BRF1: variants seen among roughly 807,000 people sequenced by gnomAD.
The protein encoded by BRF1 is BRF1 general transcription factor IIIB subunit, also known as transcription factor IIIB 90 kDa subunit.
BRF1 carries 59 observed loss-of-function variants against 81.7 expected under a neutral mutation model. The observed-to-expected ratio is 0.72, with a 90% confidence interval of 0.59 to 0.90. The LOEUF is 0.90. BRF1 is among the 40% of genes least tolerant of loss of function. BRF1 has a pLI of 0.00. For missense variants in BRF1, 1,050 were observed against 936.3 expected (o/e 1.12, Z -1.58); for synonymous variants, 491 against 395.6 (o/e 1.24, Z -2.86).
intron 1 of BRF1, among the ~76,000 whole-genome samples, chr14:105,288,247 G>A (rs894797770): frequency 6.6e-6 from 1 of 151,828 alleles, no homozygotes; most frequent in African/African-American, 2.4e-5. Flanking sequence ...GAGGTCAGGA[G>A]ATCGAGACCA....
chr14:105,293,875 C>T (rs745433754), intron 1 of BRF1, among the ~76,000 whole-genome samples: 1 of 152,224 alleles, frequency 6.6e-6, no homozygotes. Flanking sequence ...AACTGCGAAG[C>T]TGTATCAGGC....
chr14:105,254,489 C>G (rs2055770032), intron 4 of BRF1, among the ~76,000 whole-genome samples: 1 of 152,138 alleles, frequency 6.6e-6, no homozygotes, highest in Non-Finnish European at 1.5e-5. Context: ...GATCTCCAGA[C>G]CTCCTGATCT....
rs139977123 is a variant in BRF1, at chr14:105,257,850, G to A, written c.440-1301C>T. ...CACCTTCCGGAAAAGGCAAAACTAT[G>A]GAGACAGCATTAGGTCAGTGGCCAC... On this transcript the variant is annotated intron_variant, in intron 3 of 17. Coordinates refer to ENST00000547530, the MANE Select transcript of BRF1 (RefSeq NM_001519.4). Among the ~76,000 whole-genome samples the A allele has an allele frequency of 2.0e-5, 3 of 152,310 alleles. No homozygotes were observed. In the East Asian group the frequency reaches 5.8e-4, roughly 29 times the overall value.
At chr14:105,212,358 TC>T in intron 15 of BRF1, 194 bp from the exon 16 acceptor site, 1 of 658,174 alleles carries the variant, frequency 1.5e-6, no homozygotes, top group East Asian at 2.8e-5. Flanking sequence ...TCTGACCCGT[TC>T]ACATTCTCAA....
chr14:105,259,514 G>A (rs1367967090), intron 3 of BRF1, among the ~76,000 whole-genome samples: 1 of 152,224 alleles, frequency 6.6e-6, no homozygotes, highest in Non-Finnish European at 1.5e-5. Context: ...ATTCAGAACA[G>A]CCAAAAACGG....
chr14:105,250,544 T>C (rs1234206981), intron 5 of BRF1: 1 of 1,614,032 alleles, frequency 6.2e-7, no homozygotes, highest in Non-Finnish European at 8.5e-7. Flanking sequence ...ACTCAGCTAC[T>C]TTGGGCAGGA....
chr14:105,265,887 C>G (rs1337771244), intron 3 of BRF1, among the ~76,000 whole-genome samples: 1 of 116,508 alleles, frequency 8.6e-6, no homozygotes, highest in Non-Finnish European at 1.7e-5. Flanking sequence ...GGCGACAGAG[C>G]AAGACTCCCT....
chr14:105,220,210 GACCC>G, intron 11 of BRF1, 80 bp from the exon 12 acceptor site: 1 of 1,559,446 alleles, frequency 6.4e-7, no homozygotes, highest in Non-Finnish European at 8.8e-7. Flanking sequence ...GCTGGCTCAG[GACCC>G]TGGGTCTGGG....
At position 105,226,050 on chromosome 14, in the gene BRF1, C is replaced by T. The variant is rs774951979; in HGVS notation, c.1048+19G>A. On this transcript the variant is annotated intron_variant, in intron 10 of 17. Coordinates refer to ENST00000547530, the MANE Select transcript of BRF1 (RefSeq NM_001519.4). The stretch of plus-strand genomic sequence containing the variant: ...CACATTTTAAAGGTCTGAATAGGGG[C>T]CGGGCACAGTGGACTCACCATCTTT... 1 of 1,608,066 alleles carries T rather than the reference C, an allele frequency of 6.2e-7. No homozygotes were observed. The highest frequency in any genetic ancestry group is 8.5e-7 in the Non-Finnish European group (1 of 1,175,466).
chr14:105,211,935 C>T (rs867954865), intron 16 of BRF1, 178 bp downstream of exon 16: 6 of 891,858 alleles, frequency 6.7e-6, no homozygotes, highest in East Asian at 2.7e-5. Context: ...CTCCGGCAAC[C>T]GGGAGCTCCC....
chr14:105,228,364 A>G (rs1022147711), intron 7 of BRF1: 1 of 155,138 alleles, frequency 6.4e-6, no homozygotes, highest in Non-Finnish European at 1.4e-5. Context: ...CAGCATGACC[A>G]ACATGGTGAG....
chr14:105,241,421 C>T lies in BRF1; in HGVS notation c.545-7G>A, dbSNP rs777989264. The stretch of plus-strand genomic sequence containing the variant: ...GGAATATACAGGCACGGGTCTGCGG[C>T]AGACACAGCACCTCAGTGCCCACCT... On this transcript the variant is annotated splice_region_variant and splice_polypyrimidine_tract_variant and intron_variant, in intron 5 of 17. Coordinates refer to ENST00000547530, the MANE Select transcript of BRF1 (RefSeq NM_001519.4). The T allele has an allele frequency of 1.2e-5, 19 of 1,610,334 alleles. No individual in the cohort carries two copies. Among genetic ancestry groups the T allele is most frequent in the African/African-American group, 2.7e-5 (2 of 74,954 alleles).
rs1453940998 is a variant in BRF1 at position 105,268,588 on chromosome 14, G to A, written c.439+4133C>T. 2.0e-5 allele frequency among the ~76,000 whole-genome samples: 3 copies of A among 152,258 alleles called. No individual in the cohort carries two copies. The South Asian group carries it at 6.2e-4, about 31-fold the overall frequency. The stretch of plus-strand genomic sequence containing the variant: ...GGCAGAAGGAGGAATAAGCTTGGAT[G>A]TTCTTAAATCAAGCCCTTGTTCCTT... On this transcript the variant is annotated intron_variant, in intron 3 of 17. Coordinates refer to ENST00000547530, the MANE Select transcript of BRF1 (RefSeq NM_001519.4).
rs757666394 is a variant in BRF1 at position 105,250,668 on chromosome 14, C to T, written c.544+1839G>A. The T allele has an allele frequency of 3.7e-6, 6 of 1,603,410 alleles. No individual in the cohort carries two copies. The highest frequency in any genetic ancestry group is 5.1e-6 in the Non-Finnish European group (6 of 1,172,884). On this transcript the variant is annotated intron_variant, in intron 5 of 17. Transcript: ENST00000547530. Reference sequence around the variant, plus strand: ...CAGATCCCTGAGCTCATTTTCTATGCCTGAGGTGCCCGGGGAGGCTGCAGC... The same window carrying T: ...CAGATCCCTGAGCTCATTTTCTATGTCTGAGGTGCCCGGGGAGGCTGCAGC...
chr14:105,226,241 G>C lies in BRF1; in HGVS notation c.955+10C>G. On this transcript the variant is annotated intron_variant, in intron 9 of 17. Transcript: ENST00000547530. ...AACAGAAGCATTACATGGGAAGATT[G>C]GTTGGTTACCTTCAACCTCCTCCAG... The C allele has an allele frequency of 6.2e-7, 1 of 1,614,078 alleles. No homozygotes were observed. Among genetic ancestry groups the C allele is most frequent in the Middle Eastern group, 1.7e-4 (1 of 6,060 alleles).
chr14:105,286,165 TG>T, intron 2 of BRF1, 130 bp downstream of exon 2: 1 of 1,035,762 alleles, frequency 9.7e-7, no homozygotes, highest in Non-Finnish European at 1.4e-6. Flanking sequence ...CAGCCTGGGC[TG>T]GGCGTGCAGG....
At chr14:105,304,091 G>A (rs587677710), upstream of BRF1, among the ~76,000 whole-genome samples, 67 of 152,326 alleles carry the variant, frequency 4.4e-4, no homozygotes, top group African/African-American at 1.5e-3. Context: ...AGGCCACAGC[G>A]GTGCAGGACA....
chr14:105,245,793 AAC>A (rs1314496823), intron 5 of BRF1, among the ~76,000 whole-genome samples: 1 of 151,150 alleles, frequency 6.6e-6, no homozygotes, highest in Admixed American at 6.6e-5. Context: ...GCAAGACCCA[AAC>A]ACAGACTTGA....
chr14:105,292,760 C>T (rs587670489), intron 1 of BRF1, among the ~76,000 whole-genome samples: 1 of 152,060 alleles, frequency 6.6e-6, no homozygotes, highest in Non-Finnish European at 1.5e-5. Flanking sequence ...GCAGCCCACA[C>T]CCCTTCCCAG....
Sources: gnomAD v4.1 joint callset for allele counts (sites outside exome capture counted in the v4.1 genomes callset) on GRCh38, gnomAD v4.1.1 for gene constraint, MANE v1.5 for transcripts, NCBI Gene and HGNC (gene_info 2026-07-23, HGNC 2026-07-21) for gene names.